The following RUFY4 variants were observed in gnomAD, a reference collection of about 807,000 sequenced individuals.
RUFY4 encodes RUN and FYVE domain-containing protein 4.
Under a neutral mutation model 69.0 loss-of-function variants are expected in RUFY4, and 73 were observed. The observed-to-expected ratio is 1.06, with a 90% confidence interval of 0.88 to 1.29. The LOEUF (loss-of-function observed/expected upper bound fraction) is 1.29. Ranked by LOEUF, RUFY4 falls within the 50% of genes most tolerant of loss-of-function variation. The pLI, the probability that RUFY4 is intolerant of heterozygous loss-of-function variation, is 0.00. For synonymous variants in RUFY4, 287 were observed against 271.8 expected (o/e 1.06, Z -0.55); for missense variants, 770 against 705.6 (o/e 1.09, Z -1.03).
At chr2:218,081,862 C>T (rs1689765920) in intron 8 of RUFY4, among the ~76,000 whole-genome samples, 1 of 152,226 alleles carries the variant, frequency 6.6e-6, no homozygotes, top group South Asian at 2.1e-4. Flanking sequence ...CAACTTTCTT[C>T]CCTGCAACAT....
intron 2 of RUFY4, among the ~76,000 whole-genome samples, chr2:218,037,706 C>G (rs997311038): frequency 6.6e-6 from 1 of 152,160 alleles, no homozygotes; most frequent in African/African-American, 2.4e-5. Flanking sequence ...ATATGACATC[C>G]CAGTCAATGC....
At chr2:218,072,345 A>G (rs1159543696) in intron 2 of RUFY4, 29 bp from the exon 5 acceptor site, 1 of 1,536,268 alleles carries the variant, frequency 6.5e-7, no homozygotes. Flanking sequence ...AAGCATTTCT[A>G]CACTTTCTTT....
intron 10 of RUFY4, 69 bp downstream of exon 12, chr2:218,089,431 AC>A: frequency 7.4e-7 from 1 of 1,343,606 alleles, no homozygotes; most frequent in Non-Finnish European, 1.0e-6. Context: ...GCCCCCACCC[AC>A]CCCAGGGAAG....
intron 2 of RUFY4, among the ~76,000 whole-genome samples, chr2:218,071,895 G>T (rs1163520346): frequency 6.6e-6 from 1 of 152,078 alleles, no homozygotes; most frequent in African/African-American, 2.4e-5. Context: ...CCATCCCTGG[G>T]GCTGTGCTTT....
intron 9 of RUFY4, among the ~76,000 whole-genome samples, chr2:218,087,390 GA>G (rs1286984092): frequency 6.6e-5 from 10 of 152,254 alleles, no homozygotes; most frequent in African/African-American, 2.4e-4. Flanking sequence ...GATGCTGTGA[GA>G]AAAGACGGCA....
chr2:218,078,868 GTTTTGT>G (rs1458157328), intron 8 of RUFY4, among the ~76,000 whole-genome samples: 6 of 151,912 alleles, frequency 3.9e-5, no homozygotes, highest in Non-Finnish European at 7.4e-5. Flanking sequence ...TTTTTGTTTT[GTTTTGT>G]TTTTGTTTTT....
At chr2:218,078,789 G>A (rs1470763051) in intron 8 of RUFY4, among the ~76,000 whole-genome samples, 1 of 152,146 alleles carries the variant, frequency 6.6e-6, no homozygotes, top group Non-Finnish European at 1.5e-5. Context: ...CCAGCTCTAG[G>A]TAACACCAGT....
chr2:218,061,757 G>T (rs1689199701), intron 3 of RUFY4, among the ~76,000 whole-genome samples: 1 of 152,138 alleles, frequency 6.6e-6, no homozygotes, highest in Non-Finnish European at 1.5e-5. Context: ...AATCCTACTT[G>T]GATCCCTCAG....
chr2:218,046,601 C>T (rs1688834098), intron 2 of RUFY4, among the ~76,000 whole-genome samples: 1 of 152,116 alleles, frequency 6.6e-6, no homozygotes, highest in Admixed American at 6.6e-5. Context: ...TTTGGTTAGT[C>T]TTAAAAATAC....
chr2:218,048,000 T>C (rs1037307730), intron 2 of RUFY4, among the ~76,000 whole-genome samples: 16 of 152,340 alleles, frequency 1.1e-4, no homozygotes, highest in African/African-American at 3.8e-4. Flanking sequence ...TGAGCATTTA[T>C]ATTTATTTCT....
At chr2:218,063,719 GCA>G (rs1689253344) in intron 3 of RUFY4, among the ~76,000 whole-genome samples, 2 of 152,132 alleles carry the variant, frequency 1.3e-5, no homozygotes, top group Non-Finnish European at 1.5e-5. Context: ...TGAGCGAGGG[GCA>G]CAGTGTGAGG....
chr2:218,044,671 A>G (rs1446047954), intron 2 of RUFY4, among the ~76,000 whole-genome samples: 1 of 151,984 alleles, frequency 6.6e-6, no homozygotes, highest in African/African-American at 2.4e-5. Flanking sequence ...TTTAGCTCCC[A>G]CTTATAAGTG....
chr2:218,083,276 G>A lies in RUFY4; in HGVS notation c.1502+20G>A, dbSNP rs1689810323. On this transcript the variant is annotated intron_variant, in intron 9 of 10. Transcript: ENST00000344321. ...GATCCAGTAAGGACGGGGACAGTGG[G>A]AAAGGGGAAACAGATGGGGGAACGG... The A allele has an allele frequency of 6.4e-7, 1 of 1,564,870 alleles. No homozygotes were observed. Among genetic ancestry groups the A allele is most frequent in the African/African-American group, 1.4e-5 (1 of 73,498 alleles).
At chr2:218,073,176 G>A in intron 4 of RUFY4, 67 bp from the exon 7 acceptor site, 9 of 1,517,206 alleles carry the variant, frequency 5.9e-6, no homozygotes, top group Non-Finnish European at 8.0e-6. Flanking sequence ...CTGGGGTGGG[G>A]GTGGTTGGGG....
intron 9 of RUFY4, among the ~76,000 whole-genome samples, chr2:218,084,311 A>G (rs2106071993): frequency 6.6e-6 from 1 of 151,872 alleles, no homozygotes; most frequent in Middle Eastern, 3.4e-3. Context: ...AGCTCACTGC[A>G]ACCTCTGCGT....
intron 1 of RUFY4, 51 bp downstream of exon 3, chr2:218,070,702 G>T: frequency 6.5e-7 from 1 of 1,535,708 alleles, no homozygotes; most frequent in Non-Finnish European, 8.7e-7. Flanking sequence ...GAGAAGTCAG[G>T]GTCTGGGAGC....
intron 5 of RUFY4, 55 bp from the exon 8 acceptor site, chr2:218,073,761 A>T (rs1689552536): frequency 1.3e-6 from 2 of 1,598,442 alleles, no homozygotes; most frequent in East Asian, 4.5e-5. Flanking sequence ...CCATCTGAGG[A>T]CCAAGCCCAA....
intron 2 of RUFY4, among the ~76,000 whole-genome samples, chr2:218,045,219 A>G (rs574020510): frequency 1.4e-4 from 21 of 152,272 alleles, no homozygotes; most frequent in South Asian, 8.3e-4. Context: ...AGCTTTTTTC[A>G]TATGATATTT....
intron 2 of RUFY4, among the ~76,000 whole-genome samples, chr2:218,058,141 T>C (rs551062781): frequency 1.3e-5 from 2 of 152,346 alleles, no homozygotes; most frequent in East Asian, 1.9e-4. Context: ...CTTCTTCTAA[T>C]CTGGTGAATT....
Sources: gnomAD v4.1 joint callset for allele counts (sites outside exome capture counted in the v4.1 genomes callset) on GRCh38, gnomAD v4.1.1 for gene constraint, MANE v1.5 for transcripts, NCBI Gene and HGNC (gene_info 2026-07-23, HGNC 2026-07-21) for gene names.